Variants in ERICH1 observed in about 807,000 individuals in gnomAD.
ERICH1 encodes glutamate rich 1.
ERICH1 carries 56 observed loss-of-function variants against 39.6 expected under a neutral mutation model. That is an observed-to-expected ratio of 1.41 (90% CI 1.14 to 1.77). ERICH1 has a LOEUF of 1.77. Ranked by LOEUF, ERICH1 falls within the 40% of genes most tolerant of loss-of-function variation. The pLI, the probability that ERICH1 is intolerant of heterozygous loss-of-function variation, is 0.00. For missense variants in ERICH1, 826 were observed against 575.4 expected, an observed-to-expected ratio of 1.44 and a Z score of -4.45; for synonymous variants, 313 against 223.6, an observed-to-expected ratio of 1.40 and a Z score of -3.57.
chr8:661,900 G>C (rs1255067482), downstream of ERICH1, among the ~76,000 whole-genome samples: 3 of 152,238 alleles, frequency 2.0e-5, no homozygotes, highest in Non-Finnish European at 4.4e-5. Context: ...GTGGAACCCA[G>C]GAAACGGCCA....
chr8:673,677 G>A lies in ERICH1; in HGVS notation c.675C>T (p.Asp225=), dbSNP rs560215059. 16 of 1,612,462 alleles carry A rather than the reference G, an allele frequency of 9.9e-6. No individual in the cohort carries two copies. The highest frequency in any genetic ancestry group is 1.3e-5 in the Non-Finnish European group (15 of 1,179,526). Residue 225 remains aspartate (D), a synonymous_variant, in exon 4 of 6, where the codon GAC becomes GAT. Coordinates refer to ENST00000262109, the MANE Select transcript of ERICH1 (RefSeq NM_207332.3). ...EEDPTLAGEE[D]VKDTREEDGA... ...CATCTTCCTCCCTGGTATCTTTAAC[G>A]TCTTCCTCCCCGGCCAGTGTCGGGT...
At chr8:667,752 C>T (rs1226753527) in intron 5 of ERICH1, 1 of 152,696 alleles carries the variant, frequency 6.5e-6, no homozygotes, top group East Asian at 1.9e-4. Context: ...GGTTATGTAA[C>T]TGTTTGCTAC....
At chr8:710,119 G>A (rs9657421) in intron 2 of ERICH1, among the ~76,000 whole-genome samples, 36,720 of 152,042 alleles carry the variant, frequency 0.24, 5,598 homozygotes, top group Non-Finnish European at 0.34. Flanking sequence ...ATAAACCTAC[G>A]CTGACACACG....
chr8:634,672 G>A (rs964744785), intron 3 of ERICH1, among the ~76,000 whole-genome samples: 2 of 152,112 alleles, frequency 1.3e-5, no homozygotes, highest in African/African-American at 2.4e-5. Flanking sequence ...CACGATGGGT[G>A]GGGGGCTGCC....
intron 3 of ERICH1, among the ~76,000 whole-genome samples, chr8:656,200 G>C (rs6996811): frequency 0.52 from 79,669 of 151,840 alleles, 21,004 homozygotes; most frequent in Non-Finnish European, 0.56. Context: ...AACTCCCCCG[G>C]TTCCTTCTTT....
At chr8:616,589 G>A in intron 3 of ERICH1, 1 of 455,786 alleles carries the variant, frequency 2.2e-6, no homozygotes, top group Non-Finnish European at 4.4e-6. Context: ...GGGCTGGAGA[G>A]AGACAGAGAG....
At chr8:731,020 G>A in intron 1 of ERICH1, 120 bp downstream of exon 1, 6 of 1,202,100 alleles carry the variant, frequency 5.0e-6, no homozygotes, top group Non-Finnish European at 6.5e-6. Flanking sequence ...GTGGGGAGTC[G>A]GTCTGGGTTT....
intron 2 of ERICH1, among the ~76,000 whole-genome samples, chr8:698,974 C>T: frequency 6.6e-6 from 1 of 150,488 alleles, no homozygotes; most frequent in East Asian, 2.0e-4. Flanking sequence ...CCAAGCACAA[C>T]TGCTGTGCGT....
chr8:722,797 G>T (rs547181270), intron 1 of ERICH1, among the ~76,000 whole-genome samples: 38 of 152,352 alleles, frequency 2.5e-4, no homozygotes, highest in African/African-American at 9.1e-4. Context: ...TGAAGAATGA[G>T]ATCAGTTCAA....
At chr8:620,140 C>T (rs558940766) in intron 3 of ERICH1, among the ~76,000 whole-genome samples, 3 of 151,582 alleles carry the variant, frequency 2.0e-5, no homozygotes, top group East Asian at 3.9e-4. Flanking sequence ...GGTGAAACCT[C>T]GTCTCTACTA....
chr8:633,025 C>T (rs894166679), intron 3 of ERICH1, among the ~76,000 whole-genome samples: 15 of 152,192 alleles, frequency 9.9e-5, no homozygotes, highest in African/African-American at 3.4e-4. Flanking sequence ...AGCTCTTGGA[C>T]GCTGCTGGTG....
chr8:707,428 G>A (rs542954738), intron 2 of ERICH1, among the ~76,000 whole-genome samples: 4 of 152,032 alleles, frequency 2.6e-5, no homozygotes, highest in South Asian at 2.1e-4. Context: ...GGCTGGTCTC[G>A]AACTCCTGAC....
At chr8:628,480 G>A (rs554797099) in intron 3 of ERICH1, among the ~76,000 whole-genome samples, 19 of 152,354 alleles carry the variant, frequency 1.2e-4, no homozygotes, top group Non-Finnish European at 2.4e-4. Flanking sequence ...GCATGTGGCT[G>A]CTCCCCAGTC....
intron 2 of ERICH1, among the ~76,000 whole-genome samples, chr8:711,547 G>T (rs563419506): frequency 6.6e-6 from 1 of 150,512 alleles, no homozygotes; most frequent in African/African-American, 2.5e-5. Flanking sequence ...CACCCAGGCC[G>T]GACTGCAGTG....
At position 715,933 on chromosome 8, in the gene ERICH1, G is replaced by C. The variant is rs773567851; in HGVS notation, c.97C>G (p.Leu33Val). ...SGQGKREPQT[L>V]AVQNPPKKVT... is the part of the protein sequence containing the mutation. ...TTCTTTGGTGGATTTTGGACGGCCA[G>C]CGTCTGGGGTTCCCTCTTTCCTTGG... Residue 33 changes from leucine to valine, a missense_variant, in exon 2 of 6, where the codon CTG (leucine) becomes GTG (valine). Coordinates refer to ENST00000262109, the MANE Select transcript of ERICH1 (RefSeq NM_207332.3). The C allele has an allele frequency of 3.1e-6, 5 of 1,613,938 alleles. No individual in the cohort carries two copies. The highest frequency in any genetic ancestry group is 4.2e-6 in the Non-Finnish European group (5 of 1,179,996).
intron 3 of ERICH1, among the ~76,000 whole-genome samples, chr8:633,536 C>T (rs1287061066): frequency 6.6e-6 from 1 of 152,122 alleles, no homozygotes; most frequent in African/African-American, 2.4e-5. Flanking sequence ...ACAGAAAAAC[C>T]CACCCTAAAT....
intron 1 of ERICH1, among the ~76,000 whole-genome samples, chr8:722,552 A>G (rs1233660304): frequency 1.3e-5 from 2 of 152,260 alleles, no homozygotes; most frequent in African/African-American, 4.8e-5. Context: ...TCACAAAGAA[A>G]CAAAGTTTGA....
chr8:624,114 T>A (rs1037535238), intron 3 of ERICH1, among the ~76,000 whole-genome samples: 2 of 152,174 alleles, frequency 1.3e-5, no homozygotes, highest in African/African-American at 4.8e-5. Flanking sequence ...AAAGAAGTCA[T>A]GCAAATGGCC....
At chr8:710,535 C>T (rs2132296382) in intron 2 of ERICH1, among the ~76,000 whole-genome samples, 1 of 152,324 alleles carries the variant, frequency 6.6e-6, no homozygotes, top group African/African-American at 2.4e-5. Context: ...CCCTGGGCTC[C>T]ACCTGCTCCT....
Sources: gnomAD v4.1 joint callset for allele counts (sites outside exome capture counted in the v4.1 genomes callset) on GRCh38, gnomAD v4.1.1 for gene constraint, MANE v1.5 for transcripts, NCBI Gene and HGNC (gene_info 2026-07-23, HGNC 2026-07-21) for gene names.